DOCK2: variants seen among roughly 807,000 people sequenced by gnomAD.
DOCK2 encodes the protein dedicator of cytokinesis 2.
A neutral mutation model predicts 248.9 loss-of-function variants in DOCK2; 87 were observed. That is an observed-to-expected ratio of 0.35 (90% CI 0.29 to 0.42). The LOEUF (loss-of-function observed/expected upper bound fraction) is 0.42, where lower values mean the gene tolerates loss of function less well. Ranked by LOEUF, DOCK2 falls within the 10% of genes least tolerant of loss-of-function variation. The probability of loss-of-function intolerance (pLI) is 1.00; values close to 1 mark genes in which losing one functional copy is unlikely to be tolerated. For synonymous variants in DOCK2, 805 were observed against 821.6 expected, an observed-to-expected ratio of 0.98 and a Z score of 0.35; for missense variants, 1,747 against 2,300.2, an observed-to-expected ratio of 0.76 and a Z score of 4.92.
At chr5:169,820,040 G>A (rs1257630246) in intron 26 of DOCK2, among the ~76,000 whole-genome samples, 2 of 152,220 alleles carry the variant, frequency 1.3e-5, no homozygotes, top group African/African-American at 4.8e-5. Flanking sequence ...AGCAGTCTGA[G>A]ATCGAACTGC....
intron 27 of DOCK2, among the ~76,000 whole-genome samples, chr5:169,887,865 T>C (rs6879439): frequency 0.5 from 75,532 of 151,966 alleles, 19,211 homozygotes; most frequent in Non-Finnish European, 0.55. Flanking sequence ...CATGAGAAGG[T>C]CTTTCACCAG....
At chr5:169,888,182 G>A (rs942670909) in intron 27 of DOCK2, among the ~76,000 whole-genome samples, 1 of 152,168 alleles carries the variant, frequency 6.6e-6, no homozygotes, top group Non-Finnish European at 1.5e-5. Context: ...TGCCCTTGAT[G>A]TCCACCATGA....
At position 169,712,206 on chromosome 5, in the gene DOCK2, G is replaced by A. The variant is rs143137802; in HGVS notation, c.1642G>A (p.Asp548Asn). Residue 548 changes from aspartate to asparagine, a missense_variant, in exon 17 of 52, where the codon GAC becomes AAC. Physicochemically the swap from Asp to Asn is conservative, Grantham distance 23. Coordinates refer to ENST00000520908, the MANE Select transcript of DOCK2 (RefSeq NM_004946.3). ...DGTTLHDGFH[D>N]LVVLKGDSKK... ...GACTACTCTACACGATGGATTCCAT[G>A]ACTTAGTTGTCCTCAAGGTACCATG... 12 of 1,613,924 alleles carry A rather than the reference G, an allele frequency of 7.4e-6. No homozygotes were observed. In the African/African-American group the frequency reaches 1.5e-4, roughly 20 times the overall value.
chr5:169,867,404 CCTCT>C (rs1173847450), intron 27 of DOCK2, among the ~76,000 whole-genome samples: 10 of 115,772 alleles, frequency 8.6e-5, no homozygotes, highest in Admixed American at 2.8e-4. Context: ...TGGGTGAAAA[CCTCT>C]CTGTCTGTCT....
At chr5:169,706,489 G>GT (rs1320010025) in intron 14 of DOCK2, among the ~76,000 whole-genome samples, 1 of 152,218 alleles carries the variant, frequency 6.6e-6, no homozygotes, top group Non-Finnish European at 1.5e-5. Flanking sequence ...GATGCTGACA[G>GT]TAAGCATCAG....
chr5:169,753,359 C>G (rs568515339), intron 23 of DOCK2, among the ~76,000 whole-genome samples: 100 of 151,750 alleles, frequency 6.6e-4, no homozygotes, highest in Admixed American at 2.6e-3. Context: ...TGCCCTCACC[C>G]CCCCCCACCC....
At chr5:169,833,115 A>G (rs147480089) in intron 26 of DOCK2, among the ~76,000 whole-genome samples, 1 of 152,156 alleles carries the variant, frequency 6.6e-6, no homozygotes, top group Admixed American at 6.5e-5. Context: ...TGCAAACCCC[A>G]TCCTAAAGCT....
At chr5:169,899,119 A>G (rs1044660559) in intron 27 of DOCK2, among the ~76,000 whole-genome samples, 6 of 152,216 alleles carry the variant, frequency 3.9e-5, no homozygotes, top group Non-Finnish European at 1.5e-5. Flanking sequence ...GTGGATTAGA[A>G]GAGATATTAG....
rs149842244 is a variant in DOCK2, at chr5:169,852,853, A to G, written c.2799+12001A>G. Among the ~76,000 whole-genome samples the G allele has an allele frequency of 3.1e-3, 477 of 152,298 alleles. 3 individuals carry two copies. The highest frequency in any genetic ancestry group is 0.011 in the African/African-American group (463 of 41,572). On this transcript the variant is annotated intron_variant, in intron 27 of 51. Transcript: ENST00000520908. ...AAGAAAGCCTCTGTGAAATACAATA[A>G]GGCACACTGTGTCTGCTGTGAAGGC...
intron 2 of DOCK2, among the ~76,000 whole-genome samples, chr5:169,657,724 C>G (rs1331896181): frequency 3.3e-5 from 5 of 152,178 alleles, no homozygotes; most frequent in Non-Finnish European, 7.3e-5. Context: ...CCCTTTCACC[C>G]ATTCAAACAA....
At chr5:169,788,262 C>T (rs189537529) in intron 25 of DOCK2, among the ~76,000 whole-genome samples, 14 of 152,276 alleles carry the variant, frequency 9.2e-5, no homozygotes, top group South Asian at 2.1e-4. Flanking sequence ...ATTTGGCAGA[C>T]GCTTGACACA....
intron 38 of DOCK2, among the ~76,000 whole-genome samples, chr5:170,044,299 A>G (rs17647396): frequency 0.067 from 10,267 of 152,220 alleles, 489 homozygotes; most frequent in Non-Finnish European, 0.095. Context: ...CCATCTTTAT[A>G]TCTGTTTCAT....
rs78608411 is a variant in DOCK2 at position 169,845,129 on chromosome 5, T to C, written c.2799+4277T>C. ...AGCCCACTCCACACTCCACCTGAAT[T>C]CGGGATCTCAGTTTATGGGACTGCC... On this transcript the variant is annotated intron_variant, in intron 27 of 51. Coordinates refer to ENST00000520908, the MANE Select transcript of DOCK2 (RefSeq NM_004946.3). Among the ~76,000 whole-genome samples the C allele has an allele frequency of 4.5e-3, 676 of 149,612 alleles. 4 individuals are homozygous for C. Among genetic ancestry groups the C allele is most frequent in the African/African-American group, 0.015 (610 of 40,514 alleles).
intron 27 of DOCK2, chr5:169,875,077 G>A (rs1258138064): frequency 5.1e-6 from 2 of 395,950 alleles, no homozygotes; most frequent in Non-Finnish European, 1.0e-5. Context: ...AAGAACTAAA[G>A]CTACTCTCTG....
intron 26 of DOCK2, among the ~76,000 whole-genome samples, chr5:169,804,663 G>C (rs967536000): frequency 6.6e-6 from 1 of 152,038 alleles, no homozygotes; most frequent in Non-Finnish European, 1.5e-5. Context: ...AGATACTAAG[G>C]CTTATTATTC....
chr5:170,010,345 G>A (rs1400779020), intron 32 of DOCK2, among the ~76,000 whole-genome samples: 1 of 152,156 alleles, frequency 6.6e-6, no homozygotes, highest in Admixed American at 6.5e-5. Context: ...GTAAGGACTG[G>A]GATATAGGAA....
chr5:169,868,571 C>A (rs1039168867), intron 27 of DOCK2, among the ~76,000 whole-genome samples: 1 of 152,118 alleles, frequency 6.6e-6, no homozygotes, highest in Non-Finnish European at 1.5e-5. Flanking sequence ...CCAGCCTGGG[C>A]AACATAGCGA....
chr5:169,718,422 AT>A (rs1366584545), intron 21 of DOCK2, among the ~76,000 whole-genome samples: 1 of 151,658 alleles, frequency 6.6e-6, no homozygotes, highest in Non-Finnish European at 1.5e-5. Context: ...TAGTCAAAAG[AT>A]TTTTTTTTCC....
At chr5:170,065,957 T>TG (rs1203523604) in intron 44 of DOCK2, among the ~76,000 whole-genome samples, 1 of 150,840 alleles carries the variant, frequency 6.6e-6, no homozygotes. Flanking sequence ...AAAACTGTTT[T>TG]TTTTTTTTTT....
Sources: gnomAD v4.1 joint callset for allele counts (sites outside exome capture counted in the v4.1 genomes callset) on GRCh38, gnomAD v4.1.1 for gene constraint, MANE v1.5 for transcripts, NCBI Gene and HGNC (gene_info 2026-07-23, HGNC 2026-07-21) for gene names.